DLG2: variants seen among roughly 807,000 people sequenced by gnomAD.
The protein encoded by DLG2 is disks large homolog 2.
DLG2 carries 45 observed loss-of-function variants against 132.5 expected under a neutral mutation model. The ratio of observed to expected loss-of-function variants is 0.34; its 90% confidence interval spans 0.27 to 0.44. The LOEUF (loss-of-function observed/expected upper bound fraction) is 0.44, where lower values mean the gene tolerates loss of function less well. DLG2 is among the 20% of genes least tolerant of loss of function. The pLI is 1.00. For missense variants in DLG2, 1,045 were observed against 1,196.9 expected, an observed-to-expected ratio of 0.87 and a Z score of 1.87; for synonymous variants, 424 against 419.6, an observed-to-expected ratio of 1.01 and a Z score of -0.13.
chr11:84,453,374 T>A (rs1176781026), intron 7 of DLG2, among the ~76,000 whole-genome samples: 1 of 151,594 alleles, frequency 6.6e-6, no homozygotes, highest in Non-Finnish European at 1.5e-5. Flanking sequence ...AAAGTTGAGG[T>A]TCTATGTAAT....
chr11:84,087,097 G>A (rs757320025), intron 10 of DLG2, among the ~76,000 whole-genome samples: 3 of 152,114 alleles, frequency 2.0e-5, no homozygotes, highest in Non-Finnish European at 4.4e-5. Context: ...TGGCTGTTAT[G>A]CATAATGGTG....
chr11:83,489,303 CA>C (rs1239105819), intron 21 of DLG2, among the ~76,000 whole-genome samples: 1 of 151,840 alleles, frequency 6.6e-6, no homozygotes, highest in African/African-American at 2.4e-5. Context: ...AATCAATCAG[CA>C]AAATCCAAAA....
At chr11:85,320,842 G>C (rs989524139) in intron 3 of DLG2, among the ~76,000 whole-genome samples, 1 of 151,748 alleles carries the variant, frequency 6.6e-6, no homozygotes, top group Non-Finnish European at 1.5e-5. Context: ...GTGAATGAAG[G>C]TGAATCATGA....
chr11:84,565,011 A>G (rs1009074416), intron 6 of DLG2, among the ~76,000 whole-genome samples: 1 of 152,148 alleles, frequency 6.6e-6, no homozygotes, highest in African/African-American at 2.4e-5. Context: ...TTTTGTCACC[A>G]TTTCTGTGTA....
chr11:85,389,801 G>A (rs1318414144), intron 3 of DLG2, among the ~76,000 whole-genome samples: 1 of 151,938 alleles, frequency 6.6e-6, no homozygotes, highest in Non-Finnish European at 1.5e-5. Context: ...TTTTTCAGAC[G>A]AACAAATGCT....
At chr11:84,959,927 G>C (rs192430156) in intron 6 of DLG2, among the ~76,000 whole-genome samples, 1 of 152,288 alleles carries the variant, frequency 6.6e-6, no homozygotes, top group East Asian at 1.9e-4. Flanking sequence ...TTAGAAATTA[G>C]TGACTTTAAA....
intron 6 of DLG2, among the ~76,000 whole-genome samples, chr11:84,743,323 C>T (rs1225924396): frequency 6.6e-6 from 1 of 152,128 alleles, no homozygotes; most frequent in Non-Finnish European, 1.5e-5. Flanking sequence ...AAGAAGTTAT[C>T]TATTGATTTA....
chr11:84,042,692 A>T (rs1308908198), intron 11 of DLG2, among the ~76,000 whole-genome samples: 2 of 151,856 alleles, frequency 1.3e-5, no homozygotes, highest in East Asian at 3.9e-4. Context: ...GCCATGGAAT[A>T]CTATGCAACC....
intron 4 of DLG2, among the ~76,000 whole-genome samples, chr11:85,161,214 C>T (rs2078005513): frequency 6.6e-6 from 1 of 152,224 alleles, no homozygotes; most frequent in African/African-American, 2.4e-5. Flanking sequence ...ATAGGATGAC[C>T]TGTTCTGTGG....
intron 8 of DLG2, among the ~76,000 whole-genome samples, chr11:84,199,522 TA>T (rs2096564906): frequency 6.6e-6 from 1 of 151,934 alleles, no homozygotes; most frequent in South Asian, 2.1e-4. Context: ...TTGAAGTAAC[TA>T]ATACAAATAT....
chr11:85,396,872 C>T (rs962135309), intron 3 of DLG2, among the ~76,000 whole-genome samples: 1 of 152,122 alleles, frequency 6.6e-6, no homozygotes, highest in Middle Eastern at 3.2e-3. Flanking sequence ...TTATTCAGGA[C>T]AACTTCCCTA....
intron 7 of DLG2, among the ~76,000 whole-genome samples, chr11:84,399,112 T>C (rs1452108857): frequency 2.0e-5 from 3 of 152,158 alleles, no homozygotes; most frequent in Admixed American, 1.3e-4. Flanking sequence ...ACACATCTCT[T>C]AGTCTAAACA....
chr11:85,198,504 T>A (rs1477753577), intron 4 of DLG2, among the ~76,000 whole-genome samples: 1 of 152,186 alleles, frequency 6.6e-6, no homozygotes, highest in Non-Finnish European at 1.5e-5. Flanking sequence ...ATATGAAATA[T>A]TCTATAAATG....
chr11:83,585,785 C>A (rs1485225732), intron 19 of DLG2, among the ~76,000 whole-genome samples: 1 of 152,156 alleles, frequency 6.6e-6, no homozygotes. Context: ...TTGAGTATTC[C>A]TATCAGAGCA....
intron 3 of DLG2, among the ~76,000 whole-genome samples, chr11:85,431,029 C>T (rs540340753): frequency 6.6e-5 from 10 of 152,044 alleles, no homozygotes; most frequent in African/African-American, 2.2e-4. Context: ...AAATAATTGG[C>T]TTAATTTTTT....
intron 6 of DLG2, among the ~76,000 whole-genome samples, chr11:84,645,246 T>A (rs1483163017): frequency 6.6e-6 from 1 of 152,140 alleles, no homozygotes; most frequent in East Asian, 1.9e-4. Flanking sequence ...CTCAAATTAT[T>A]ATCAGTAAAA....
intron 6 of DLG2, among the ~76,000 whole-genome samples, chr11:85,033,386 CAAAAAAAAAA>C (rs750024023): frequency 9.9e-5 from 8 of 80,878 alleles, no homozygotes; most frequent in Admixed American, 2.6e-4. Flanking sequence ...TATATCCTAG[CAAAAAAAAAA>C]AAAAAAAAAA....
At chr11:84,845,681 T>TG (rs2081371363) in intron 6 of DLG2, among the ~76,000 whole-genome samples, 3 of 126,092 alleles carry the variant, frequency 2.4e-5, no homozygotes. Context: ...TGATCGTCAC[T>TG]CTTTTTTTTT....
chr11:84,755,703 A>C (rs1255487329), intron 6 of DLG2, among the ~76,000 whole-genome samples: 1 of 152,222 alleles, frequency 6.6e-6, no homozygotes, highest in Non-Finnish European at 1.5e-5. Flanking sequence ...GATTACAGGC[A>C]TGAGCTACCG....
Sources: allele counts gnomAD v4.1 joint callset (sites outside exome capture counted in the v4.1 genomes callset), GRCh38; gene constraint gnomAD v4.1.1; transcripts MANE v1.5; gene names NCBI Gene and HGNC (gene_info 2026-07-23, HGNC 2026-07-21).